ZC3H12A: variants seen among roughly 807,000 people sequenced by gnomAD.
The protein encoded by ZC3H12A is endoribonuclease ZC3H12A.
Under a neutral mutation model 29.9 loss-of-function variants are expected in ZC3H12A, and 9 were observed. The ratio of observed to expected loss-of-function variants is 0.30; its 90% CI spans 0.18 to 0.53. The LOEUF is 0.53. Ranked by LOEUF, ZC3H12A falls within the 20% of genes least tolerant of loss-of-function variation. The pLI, the probability that ZC3H12A is intolerant of heterozygous loss-of-function variation, is 0.96. For synonymous variants in ZC3H12A, 323 were observed against 338.1 expected (o/e 0.96, Z 0.49); for missense variants, 617 against 799.0 (o/e 0.77, Z 2.75).
At position 37,484,281 on chromosome 1, in the gene ZC3H12A, T is replaced by G. The variant is rs561674930; in HGVS notation, c.*670T>G. The G allele has an allele frequency of 1.3e-5, 2 of 152,202 alleles. No homozygotes were observed. The highest frequency in any genetic ancestry group is 2.4e-5 in the African/African-American group (1 of 41,420). The allele number at this position is 152,202 out of a possible 1,614,324, so 9.4% of individuals were successfully genotyped here. On this transcript the variant is annotated 3_prime_UTR_variant, in exon 6 of 6. Coordinates refer to ENST00000373087, the MANE Select transcript of ZC3H12A (RefSeq NM_025079.3). ...TCCCCATGGGTGGGGGAACCTGTGT[T>G]TGTTTGTGTGCACATGTAAATTTTA...
At position 37,481,820 on chromosome 1, in the gene ZC3H12A, C is replaced by A; in HGVS notation, c.803C>A (p.Ser268Tyr). Residue 268 changes from serine to tyrosine, a missense_variant, in exon 4 of 6, where the codon TCC becomes TAC. This residue lies in a region of ZC3H12A where 255 missense variants were observed against 402.5 expected (regional missense o/e 0.63). Transcript: ENST00000373087. Reference sequence around the variant, plus strand: ...ATCGAGGAGCGGCTGCTCATGTACTCCTTCGTCAATGACAAGTATGTTCCC... The same window carrying A: ...ATCGAGGAGCGGCTGCTCATGTACTACTTCGTCAATGACAAGTATGTTCCC... The part of the protein sequence containing the change: ...RFIEERLLMY[S>Y]FVNDKFMPPD... 1 of 1,613,952 alleles carries A rather than the reference C, an allele frequency of 6.2e-7. No individual in the cohort carries two copies. The highest frequency in any genetic ancestry group is 1.1e-5 in the South Asian group (1 of 91,044).
In ZC3H12A at chr1:37,474,618, G is replaced by A. The variant is rs1456791010; in HGVS notation, c.-50G>A. On this transcript the variant is annotated 5_prime_UTR_variant, in exon 1 of 6. Transcript: ENST00000373087. ...ATGGAGACGCCGCCGGCCGCCGCTG[G>A]CGCATGGCGGGGTGAGGCGCGGCGG... The A allele has an allele frequency of 1.3e-5, 2 of 152,070 alleles. No individual in the cohort carries two copies. The highest frequency in any genetic ancestry group is 2.1e-4 in the South Asian group (1 of 4,836). The allele number at this position is 152,070 out of a possible 1,614,324, so 9.4% of individuals were successfully genotyped here.
Position 37,480,374 on chromosome 1 carries a change from A to T in ZC3H12A, c.528A>T (p.Thr176=), listed in dbSNP as rs776611787. The change falls in exon 3 of 6, where the codon ACA becomes ACT. Residue 176 remains threonine (T), a synonymous_variant. Transcript: ENST00000373087. ...TGGAGCGGGGCCACACAGACATCAC[A>T]GTGTTTGTGCCATCCTGGAGGAAGG... ...WFLERGHTDI[T]VFVPSWRKEQ... The T allele has an allele frequency of 6.2e-7, 1 of 1,613,982 alleles. No homozygotes were observed. The highest frequency in any genetic ancestry group is 8.5e-7 in the Non-Finnish European group (1 of 1,179,938).
chr1:37,480,910 G>A (rs1215623554), intron 3 of ZC3H12A, among the ~76,000 whole-genome samples: 3 of 152,226 alleles, frequency 2.0e-5, no homozygotes, highest in Admixed American at 6.5e-5. Context: ...GTTAACACAC[G>A]GTAAGTGCTG....
At chr1:37,482,404 C>A in intron 4 of ZC3H12A, 30 bp from the exon 5 acceptor site, 2 of 1,584,322 alleles carry the variant, frequency 1.3e-6, no homozygotes, top group Non-Finnish European at 1.7e-6. Flanking sequence ...ATGGCTCCCA[C>A]CTCCAGAGAG....
rs145092946 is a variant in ZC3H12A, at chr1:37,483,935, G to T, written c.*324G>T. On this transcript the variant is annotated 3_prime_UTR_variant, in exon 6 of 6. Coordinates refer to ENST00000373087, the MANE Select transcript of ZC3H12A (RefSeq NM_025079.3). Reference sequence around the variant, plus strand: ...CAAACCGTCTTTTCTCTCAGAGGGTGGGGAGGGAGGTGGGGGCAGCAGAGG... The same window carrying T: ...CAAACCGTCTTTTCTCTCAGAGGGTTGGGAGGGAGGTGGGGGCAGCAGAGG... The T allele has an allele frequency of 7.1e-6, 2 of 280,520 alleles. No homozygotes were observed. The highest frequency in any genetic ancestry group is 1.4e-5 in the Non-Finnish European group (2 of 147,450). The allele number at this position is 280,520 out of a possible 1,614,324, so 17.4% of individuals were successfully genotyped here.
chr1:37,480,863 G>A (rs889093737), intron 3 of ZC3H12A, among the ~76,000 whole-genome samples: 1 of 152,218 alleles, frequency 6.6e-6, no homozygotes. Context: ...TCAGCAGGGG[G>A]TGTTGACAGC....
rs1403920336 is a variant in ZC3H12A, at chr1:37,476,128, A to G, written c.443+189A>G. 6.6e-6 allele frequency among the ~76,000 whole-genome samples: 1 copy of G among 152,190 alleles called. No homozygotes were observed. Among genetic ancestry groups the G allele is most frequent in the Non-Finnish European group, 1.5e-5 (1 of 68,026 alleles). On this transcript the variant is annotated intron_variant, in intron 2 of 5. Coordinates refer to ENST00000373087, the MANE Select transcript of ZC3H12A (RefSeq NM_025079.3). The surrounding 1 kb of genome is among the most constrained non-coding windows in gnomAD (Gnocchi z 6.0). ...CGCGCTACTGGTAAGTGACAGAGGCAGGGTTCCAGCCCAGGTCCCTCTGTC... is the reference window on the plus strand; with the variant it reads ...CGCGCTACTGGTAAGTGACAGAGGCGGGGTTCCAGCCCAGGTCCCTCTGTC...
At chr1:37,481,472 GTTA>G in intron 3 of ZC3H12A, 126 bp from the exon 4 acceptor site, 1 of 827,534 alleles carries the variant, frequency 1.2e-6, no homozygotes, top group African/African-American at 1.8e-5. Context: ...CCTCAGCAGA[GTTA>G]GTTCTTGCCC....
At chr1:37,477,050 C>T (rs1047313451) in intron 2 of ZC3H12A, among the ~76,000 whole-genome samples, 3 of 152,242 alleles carry the variant, frequency 2.0e-5, no homozygotes, top group African/African-American at 7.2e-5. Context: ...CTCTTCCCTC[C>T]TTCTGTCACC....
chr1:37,479,121 T>G lies in ZC3H12A; in HGVS notation c.444-1169T>G. The stretch of plus-strand genomic sequence containing the variant: ...CCTCTTTTGCGTAACATTTATTCTG[T>G]TTTATTTGCCAAATACGAGAGTCTA... On this transcript the variant is annotated intron_variant, in intron 2 of 5. Coordinates refer to ENST00000373087, the MANE Select transcript of ZC3H12A (RefSeq NM_025079.3). This position sits in a 1 kb window ranked among gnomAD's most constrained non-coding sequence, Gnocchi z 4.5. The G allele has an allele frequency of 1.0e-6, 1 of 985,388 alleles. No individual in the cohort carries two copies. Among genetic ancestry groups the G allele is most frequent in the African/African-American group, 1.7e-5 (1 of 57,332 alleles). The allele number at this position is 985,388 out of a possible 1,614,324, so 61.0% of individuals were successfully genotyped here. A position where few individuals can be genotyped will look rare whatever the true frequency, so the allele number is the denominator to read the frequency against.
At chr1:37,480,777 C>T (rs958462097) in intron 3 of ZC3H12A, among the ~76,000 whole-genome samples, 6 of 152,330 alleles carry the variant, frequency 3.9e-5, no homozygotes, top group African/African-American at 7.2e-5. Flanking sequence ...CCCCTCTTGG[C>T]GCCCTGGCCT....
rs551525292 is a variant in ZC3H12A at position 37,480,226 on chromosome 1, G to C, written c.444-64G>C. 4.7e-4 allele frequency: 739 copies of C among 1,565,452 alleles called. 3 individuals carry two copies. In the African/African-American group the frequency reaches 7.7e-3, roughly 16 times the overall value. The stretch of plus-strand genomic sequence containing the variant: ...GGGGTGTGACCACCTCCCTCCTCCT[G>C]CTCAGGCCTAGGGGGTGGCAGGCTG... On this transcript the variant is annotated intron_variant, in intron 2 of 5. Coordinates refer to ENST00000373087, the MANE Select transcript of ZC3H12A (RefSeq NM_025079.3).
chr1:37,483,524 T>A lies in ZC3H12A; in HGVS notation c.1713T>A (p.Ala571=). 6.2e-7 allele frequency: 1 copy of A among 1,613,810 alleles called. No homozygotes were observed. The highest frequency in any genetic ancestry group is 1.1e-5 in the South Asian group (1 of 91,076). ...CGVFPPHLVE[A]VMGRFPQLLD... The stretch of plus-strand genomic sequence containing the variant: ...TGTTTCCCCCGCACCTGGTGGAGGC[T>A]GTGATGGGGCGCTTCCCACAGCTCC... Residue 571 remains alanine, a synonymous_variant, in exon 6 of 6, where the codon GCT becomes GCA. Transcript: ENST00000373087.
At position 37,483,595 on chromosome 1, in the gene ZC3H12A, A is replaced by G. The variant is rs770081007; in HGVS notation, c.1784A>G (p.Gln595Arg). Residue 595 changes from glutamine to arginine, a missense_variant, in exon 6 of 6, where the codon CAG becomes CGG. By Grantham distance (43) the Gln-to-Arg change is conservative. Around this residue, in one of 5 missense-constraint regions of ZC3H12A, gnomAD observed 172 missense variants for 203.1 expected, o/e 0.85. Coordinates refer to ENST00000373087, the MANE Select transcript of ZC3H12A (RefSeq NM_025079.3). ...GCCGAGATCCTCTCCTACAAGTCCC[A>G]GCACCCCAGTGAGTAAGCTGCCTGT... Reference protein sequence around the residue: ...LAAEILSYKSQHPSE With the variant: ...LAAEILSYKSRHPSE The G allele has an allele frequency of 1.1e-5, 18 of 1,608,302 alleles. No homozygotes were observed. Among genetic ancestry groups the G allele is most frequent in the Non-Finnish European group, 1.5e-5 (18 of 1,177,952 alleles).
chr1:37,474,952 AC>A (rs1411229698), intron 1 of ZC3H12A, among the ~76,000 whole-genome samples: 1 of 152,188 alleles, frequency 6.6e-6, no homozygotes, highest in African/African-American at 2.4e-5. Flanking sequence ...TTTTCTCCCC[AC>A]GGGTCACCCC....
chr1:37,475,973 G>T lies in ZC3H12A; in HGVS notation c.443+34G>T. 1 of 1,479,634 alleles carries T rather than the reference G, an allele frequency of 6.8e-7. No individual in the cohort carries two copies. The highest frequency in any genetic ancestry group is 8.9e-7 in the Non-Finnish European group (1 of 1,120,458). The allele number at this position is 1,479,634 out of a possible 1,614,324, so 91.7% of individuals were successfully genotyped here. A position where few individuals can be genotyped will look rare whatever the true frequency, so the allele number is the denominator to read the frequency against. ...CACTTCTGTGGCCAGGACACATGAG[G>T]TTCGCATCTCTCCTGTGGCCAGGAC... On this transcript the variant is annotated intron_variant, in intron 2 of 5. Coordinates refer to ENST00000373087, the MANE Select transcript of ZC3H12A (RefSeq NM_025079.3). The surrounding 1 kb of genome is among the most constrained non-coding windows in gnomAD (Gnocchi z 5.2).
Position 37,479,138 on chromosome 1 carries a change from G to C in ZC3H12A, c.444-1152G>C. ...TTATTCTGTTTTATTTGCCAAATAC[G>C]AGAGTCTAAGCTGTTCACTGAGGGG... On this transcript the variant is annotated intron_variant, in intron 2 of 5. Transcript: ENST00000373087. The surrounding 1 kb of genome is among the most constrained non-coding windows in gnomAD (Gnocchi z 4.5). 1 of 985,376 alleles carries C rather than the reference G, an allele frequency of 1.0e-6. No homozygotes were observed. Among genetic ancestry groups the C allele is most frequent in the Non-Finnish European group, 1.2e-6 (1 of 829,922 alleles). 61.0% of individuals were successfully genotyped at this position (985,376 alleles called of 1,614,324 possible). A position where few individuals can be genotyped will look rare whatever the true frequency, so the allele number is the denominator to read the frequency against.
chr1:37,482,737 G>A lies in ZC3H12A; in HGVS notation c.926G>A (p.Gly309Glu). 6.2e-7 allele frequency: 1 copy of A among 1,613,790 alleles called. No homozygotes were observed. The highest frequency in any genetic ancestry group is 8.5e-7 in the Non-Finnish European group (1 of 1,180,018). ...LEHRKQPCPY[G>E]RKCTYGIKCR... is the part of the protein sequence containing the mutation. ...GAGTCCCTCTTGATTCCTCTTCCAG[G>A]AAGGAAATGCACCTATGGGATCAAG... is the stretch of plus-strand genomic sequence containing the variant. Residue 309 changes from glycine to glutamate, a missense_variant and splice_region_variant, in exon 6 of 6, where the codon GGA becomes GAA. This residue lies in a region of ZC3H12A where 255 missense variants were observed against 402.5 expected (regional missense o/e 0.63). Transcript: ENST00000373087.
Sources: allele counts gnomAD v4.1 joint callset (sites outside exome capture counted in the v4.1 genomes callset), GRCh38; gene constraint gnomAD v4.1.1; regional missense constraint gnomAD v4.1.1; non-coding constraint Gnocchi (gnomAD v3.1); transcripts MANE v1.5; gene names NCBI Gene and HGNC (gene_info 2026-07-23, HGNC 2026-07-21).